Variants in RIPK1 observed in about 807,000 individuals in gnomAD.
RIPK1 encodes receptor-interacting serine/threonine-protein kinase 1.
RIPK1 carries 27 observed loss-of-function variants against 62.4 expected under a neutral mutation model. That is an observed-to-expected ratio of 0.43 (90% CI 0.32 to 0.60). RIPK1 has a LOEUF of 0.60. Among genes scored for constraint, RIPK1 ranks in the 20% least tolerant of loss-of-function variants. RIPK1 has a pLI of 0.07. For synonymous variants in RIPK1, 287 were observed against 303.2 expected (o/e 0.95, Z 0.55); for missense variants, 735 against 831.0 (o/e 0.88, Z 1.42).
intron 1 of RIPK1, among the ~76,000 whole-genome samples, chr6:3,069,800 C>T (rs1758602071): frequency 6.6e-6 from 1 of 152,186 alleles, no homozygotes; most frequent in Non-Finnish European, 1.5e-5. Flanking sequence ...CACCTGAGGT[C>T]AGGAGTTCGA....
chr6:3,102,449 T>C (rs1342741120), intron 7 of RIPK1, among the ~76,000 whole-genome samples: 1 of 152,184 alleles, frequency 6.6e-6, no homozygotes, highest in Non-Finnish European at 1.5e-5. Flanking sequence ...TATTCCCAAA[T>C]TGGAAACAAT....
At chr6:3,081,175 T>G (rs9392452) in intron 4 of RIPK1, 59 bp downstream of exon 4, 3 of 1,578,300 alleles carry the variant, frequency 1.9e-6, no homozygotes. Context: ...AATTCTCCAA[T>G]GTAAATCCAT....
upstream of RIPK1, among the ~76,000 whole-genome samples, chr6:3,065,149 C>G (rs917837566): frequency 6.7e-6 from 1 of 150,134 alleles, no homozygotes; most frequent in African/African-American, 2.5e-5. Context: ...CCCAGCTACT[C>G]GGGAGGCTGA....
In RIPK1 at chr6:3,100,886, T is replaced by C. The variant is rs111897635; in HGVS notation, c.916-3339T>C. Reference sequence around the variant, plus strand: ...GGGATTACAGGCGTGAGCCACCATGTCTGGCCTGTTTGAATCTTTCAAAAG... The same window carrying C: ...GGGATTACAGGCGTGAGCCACCATGCCTGGCCTGTTTGAATCTTTCAAAAG... On this transcript the variant is annotated intron_variant, in intron 7 of 10. Coordinates refer to ENST00000259808, the MANE Select transcript of RIPK1 (RefSeq NM_001354930.2). Among the ~76,000 whole-genome samples, 803 of 152,288 alleles carry C rather than the reference T, an allele frequency of 5.3e-3. 7 individuals are homozygous for C. Among genetic ancestry groups the C allele is most frequent in the African/African-American group, 0.019 (786 of 41,570 alleles).
At chr6:3,070,274 G>A (rs189337675) in intron 1 of RIPK1, among the ~76,000 whole-genome samples, 223 of 152,218 alleles carry the variant, frequency 1.5e-3, no homozygotes, top group Middle Eastern at 0.014. Flanking sequence ...TTACTTTTTG[G>A]TGCTTATTAA....
At chr6:3,065,836 C>G (rs1373582303), upstream of RIPK1, among the ~76,000 whole-genome samples, 6 of 152,204 alleles carry the variant, frequency 3.9e-5, no homozygotes, top group Non-Finnish European at 8.8e-5. Flanking sequence ...ACAGTCTACA[C>G]TCATGGCTTT....
At chr6:3,085,511 G>A (rs1759642161) in intron 6 of RIPK1, 103 bp downstream of exon 6, 10 of 1,210,228 alleles carry the variant, frequency 8.3e-6, no homozygotes, top group Admixed American at 4.4e-5. Context: ...AACTGAGTTC[G>A]ACTTGACTTG....
At chr6:3,107,124 T>C (rs1262309217) in intron 9 of RIPK1, among the ~76,000 whole-genome samples, 1 of 151,784 alleles carries the variant, frequency 6.6e-6, no homozygotes, top group Non-Finnish European at 1.5e-5. Flanking sequence ...TGGTGGCGCA[T>C]GCCTTTAGCC....
At chr6:3,090,850 G>T (rs1480082546) in intron 7 of RIPK1, among the ~76,000 whole-genome samples, 1 of 104,382 alleles carries the variant, frequency 9.6e-6, no homozygotes, top group African/African-American at 8.4e-5. Context: ...CCTAGTAACC[G>T]CAGAGTACCT....
intron 10 of RIPK1, 52 bp downstream of exon 10, chr6:3,111,007 T>C (rs1406699474): frequency 2.2e-6 from 3 of 1,357,250 alleles, no homozygotes; most frequent in Non-Finnish European, 3.0e-6. Flanking sequence ...CTTTCTTACT[T>C]GTGAGAAGGA....
At position 3,094,069 on chromosome 6, in the gene RIPK1, TAACTGCAGCGC is replaced by T. The variant is rs1252449844; in HGVS notation, c.915+4413_915+4423del. 8.5e-5 allele frequency among the ~76,000 whole-genome samples: 12 copies of T among 141,416 alleles called. 2 individuals carry two copies. The highest frequency in any genetic ancestry group is 3.3e-4 in the African/African-American group (11 of 33,120). 92.8% of individuals were successfully genotyped at this position (141,416 alleles called of 152,430 possible). ...CAGCGCGCCTACCTGCCGCACCTAG[TAACTGCAGCGC>T]GCCTACCTCCTGCACCTAGTAACTG... is the stretch of plus-strand genomic sequence containing the variant. On this transcript the variant is annotated intron_variant, in intron 7 of 10. Coordinates refer to ENST00000259808, the MANE Select transcript of RIPK1 (RefSeq NM_001354930.2).
At position 3,110,807 on chromosome 6, in the gene RIPK1, A is replaced by C. The variant is rs1341386075; in HGVS notation, c.1581A>C (p.Glu527Asp). The change falls in exon 10 of 11, where the codon GAA becomes GAC. Residue 527 changes from glutamate (E) to aspartate (D), a missense_variant. By Grantham distance (45) the Glu-to-Asp change is conservative (BLOSUM62 2). This residue lies in a region of RIPK1 where 671 missense variants were observed against 726.2 expected (regional missense o/e 0.92). Transcript: ENST00000259808. ...TGTGTGTTTCTCTCTATGCAGATGA[A>C]TCTATAAAATATACCATATACAATA... Reference protein sequence around the residue: ...MPFSSLPPTDESIKYTIYNST... With the variant: ...MPFSSLPPTDDSIKYTIYNST... 6.4e-7 allele frequency: 1 copy of C among 1,566,914 alleles called. No individual in the cohort carries two copies.
intron 9 of RIPK1, among the ~76,000 whole-genome samples, chr6:3,106,786 T>TA (rs1379900412): frequency 6.6e-6 from 1 of 152,246 alleles, no homozygotes; most frequent in East Asian, 1.9e-4. Context: ...GGTTTTATGA[T>TA]AAGATCTGTA....
rs899735277 is a variant in RIPK1, at chr6:3,102,143, C to T, written c.916-2082C>T. On this transcript the variant is annotated intron_variant, in intron 7 of 10. Transcript: ENST00000259808. ...TTCCCTTTTATGGCTGAATAACATT[C>T]CATCATATGGATATACAGGTTGAAC... Among the ~76,000 whole-genome samples the T allele has an allele frequency of 3.3e-5, 5 of 152,174 alleles. No homozygotes were observed. In the South Asian group the frequency reaches 6.2e-4, roughly 19 times the overall value.
rs757029990 is a variant in RIPK1 at position 3,085,316 on chromosome 6, T to C, written c.746T>C (p.Val249Ala). The change falls in exon 6 of 11, where the codon GTG becomes GCG. Residue 249 changes from valine (V) to alanine (A), a missense_variant. Val to Ala is a moderately conservative substitution (Grantham distance 64). Transcript: ENST00000259808. ...MCIKSGNRPD[V>A]DDITEYCPRE... ...ATAAAATCTGGGAACAGGCCAGATG[T>C]GGATGACATCACTGAGTACTGCCCA... 1 of 1,614,230 alleles carries C rather than the reference T, an allele frequency of 6.2e-7. No individual in the cohort carries two copies. The highest frequency in any genetic ancestry group is 2.2e-5 in the East Asian group (1 of 44,890).
chr6:3,066,516 C>T (rs1021635086), upstream of RIPK1, among the ~76,000 whole-genome samples: 29 of 152,118 alleles, frequency 1.9e-4, no homozygotes, highest in Non-Finnish European at 3.7e-4. Context: ...CTCTGCCTTT[C>T]GTCTTTTTTG....
Position 3,105,999 on chromosome 6 carries a change from C to T in RIPK1, c.1524C>T (p.Thr508=). ...TGCATAATATCCCAGTGCCTGAGAC[C>T]AACTATCTAGGAAATACACCCACCA... ...PSLHNIPVPE[T]NYLGNTPTMP... Residue 508 remains threonine, a synonymous_variant, in exon 9 of 11, where the codon ACC becomes ACT. Transcript: ENST00000259808. The surrounding 1 kb of genome is among the most constrained non-coding windows in gnomAD (Gnocchi z 4.5). The T allele has an allele frequency of 1.2e-6, 2 of 1,613,712 alleles. No homozygotes were observed. The highest frequency in any genetic ancestry group is 4.5e-5 in the East Asian group (2 of 44,876).
chr6:3,067,568 T>C (rs113076368), upstream of RIPK1, among the ~76,000 whole-genome samples: 1,565 of 151,662 alleles, frequency 0.01, 31 homozygotes, highest in African/African-American at 0.036. Context: ...AATCAAGTTG[T>C]ACATTTTCAT....
intron 1 of RIPK1, among the ~76,000 whole-genome samples, chr6:3,073,256 TATTACA>T (rs1383819861): frequency 8.0e-5 from 12 of 149,326 alleles, no homozygotes; most frequent in African/African-American, 2.9e-4. Context: ...ATATATTATA[TATTACA>T]TATATACATA....
Sources: allele counts gnomAD v4.1 joint callset (sites outside exome capture counted in the v4.1 genomes callset), GRCh38; gene constraint gnomAD v4.1.1; regional missense constraint gnomAD v4.1.1; non-coding constraint Gnocchi (gnomAD v3.1); transcripts MANE v1.5; gene names NCBI Gene and HGNC (gene_info 2026-07-23, HGNC 2026-07-21).